Variants in SAMHD1 observed in about 807,000 individuals in gnomAD.
SAMHD1 encodes the protein SAM and HD domain containing deoxynucleoside triphosphate triphosphohydrolase 1.
In SAMHD1, 54 loss-of-function variants were observed where a neutral mutation model predicts 79.6. The ratio of observed to expected loss-of-function variants is 0.68; its 90% confidence interval spans 0.55 to 0.85. The LOEUF (loss-of-function observed/expected upper bound fraction) is 0.85. Among genes scored for constraint, SAMHD1 ranks in the 40% least tolerant of loss-of-function variants. The probability of loss-of-function intolerance (pLI) is 0.00; values close to 1 mark genes in which losing one functional copy is unlikely to be tolerated. For synonymous variants in SAMHD1, 260 were observed against 264.1 expected, an observed-to-expected ratio of 0.98 and a Z score of 0.15; for missense variants, 663 against 782.7, an observed-to-expected ratio of 0.85 and a Z score of 1.82.
rs992481715 is a variant in SAMHD1 at position 36,915,487 on chromosome 20, A to C, written c.1062+1235T>G. ...TACAGTGGCTTACACCTATAATGCC[A>C]GCACTTTGGGAGGCTGAAGCGGGTG... is the stretch of plus-strand genomic sequence containing the variant. On this transcript the variant is annotated intron_variant, in intron 9 of 15. Transcript: ENST00000646673. Among the ~76,000 whole-genome samples, 4 of 152,340 alleles carry C rather than the reference A, an allele frequency of 2.6e-5. No individual in the cohort carries two copies. In the East Asian group the frequency reaches 7.7e-4, roughly 29 times the overall value.
At chr20:36,898,938 A>AAG (rs1456049165) in intron 13 of SAMHD1, among the ~76,000 whole-genome samples, 2 of 151,530 alleles carry the variant, frequency 1.3e-5, no homozygotes, top group East Asian at 1.9e-4. Context: ...AAAAGAAAGA[A>AAG]AGAAATGGAA....
chr20:36,934,449 G>C (rs568801404), intron 4 of SAMHD1, among the ~76,000 whole-genome samples: 2 of 142,600 alleles, frequency 1.4e-5, no homozygotes, highest in South Asian at 2.2e-4. Context: ...CTTGAACCTG[G>C]GAGGTCGAAG....
intron 6 of SAMHD1, among the ~76,000 whole-genome samples, chr20:36,922,307 G>C (rs906280219): frequency 3.9e-5 from 6 of 152,102 alleles, no homozygotes; most frequent in Non-Finnish European, 1.5e-5. Flanking sequence ...TACTGATTTT[G>C]ATAATTATAC....
intron 5 of SAMHD1, among the ~76,000 whole-genome samples, chr20:36,929,124 T>TG (rs1363189605): frequency 1.3e-4 from 20 of 151,424 alleles, no homozygotes; most frequent in African/African-American, 3.6e-4. Context: ...GCCTTGGCCC[T>TG]GCTTTGCAAG....
intron 3 of SAMHD1, among the ~76,000 whole-genome samples, chr20:36,935,994 G>T (rs1356293375): frequency 3.3e-5 from 5 of 152,052 alleles, no homozygotes; most frequent in African/African-American, 1.2e-4. Context: ...AAATCATGCA[G>T]GTCCGAGTGC....
intron 5 of SAMHD1, among the ~76,000 whole-genome samples, chr20:36,929,718 TAAAA>T (rs2063556843): frequency 6.6e-6 from 1 of 152,262 alleles, no homozygotes; most frequent in African/African-American, 2.4e-5. Context: ...ATCTCAAAAA[TAAAA>T]AAATAAATGG....
chr20:36,898,305 G>A (rs1990235666), intron 14 of SAMHD1, 135 bp downstream of exon 14: 1 of 743,144 alleles, frequency 1.3e-6, no homozygotes, highest in Non-Finnish European at 2.4e-6. Context: ...TGGGATTACA[G>A]GTATGAGCTA....
intron 6 of SAMHD1, among the ~76,000 whole-genome samples, chr20:36,923,730 G>A (rs559559474): frequency 6.6e-6 from 1 of 152,130 alleles, no homozygotes; most frequent in South Asian, 2.1e-4. Context: ...TGGAAGGATC[G>A]CTTGAGTCTG....
chr20:36,929,718 T>G (rs1488529228), intron 5 of SAMHD1, among the ~76,000 whole-genome samples: 2 of 152,144 alleles, frequency 1.3e-5, no homozygotes, highest in Admixed American at 1.3e-4. Context: ...ATCTCAAAAA[T>G]AAAAAAATAA....
chr20:36,912,202 G>T, intron 10 of SAMHD1: 1 of 471,786 alleles, frequency 2.1e-6, no homozygotes, highest in East Asian at 4.1e-5. Flanking sequence ...GCCGCTTCAC[G>T]TCTGGCCTAA....
Position 36,897,815 on chromosome 20 carries a change from C to A in SAMHD1, c.1746+7G>T, listed in dbSNP as rs759575341. ...TGTGCAAAGTTTGTGAGTAACAGGC[C>A]ACCTACCTGCGGCTTGGTGAAATTT... On this transcript the variant is annotated splice_region_variant and intron_variant, in intron 15 of 15. Transcript: ENST00000646673. 2 of 1,614,092 alleles carry A rather than the reference C, an allele frequency of 1.2e-6. No individual in the cohort carries two copies. Among genetic ancestry groups the A allele is most frequent in the South Asian group, 2.2e-5 (2 of 91,080 alleles).
At chr20:36,943,914 C>T (rs6072798) in intron 2 of SAMHD1, among the ~76,000 whole-genome samples, 49,428 of 151,016 alleles carry the variant, frequency 0.33, 8,604 homozygotes, top group South Asian at 0.56. Flanking sequence ...CCTGTCTCTA[C>T]TAAAAATACA....
intron 11 of SAMHD1, among the ~76,000 whole-genome samples, chr20:36,906,547 A>G (rs966631584): frequency 6.6e-6 from 1 of 152,214 alleles, no homozygotes; most frequent in African/African-American, 2.4e-5. Context: ...AGATGAAGCA[A>G]AACTGCCATG....
At chr20:36,901,228 G>A (rs753430300) in intron 13 of SAMHD1, among the ~76,000 whole-genome samples, 2 of 151,868 alleles carry the variant, frequency 1.3e-5, no homozygotes, top group African/African-American at 2.4e-5. Flanking sequence ...GCAGTGGTGC[G>A]ATCTCAGCTC....
intron 4 of SAMHD1, among the ~76,000 whole-genome samples, chr20:36,932,741 A>G (rs2146134558): frequency 6.6e-6 from 1 of 151,414 alleles, no homozygotes; most frequent in Non-Finnish European, 1.5e-5. Flanking sequence ...AGATGATAAG[A>G]GTTTTGGCAA....
chr20:36,920,882 C>T (rs1049932037), intron 6 of SAMHD1, among the ~76,000 whole-genome samples: 1 of 151,152 alleles, frequency 6.6e-6, no homozygotes, highest in South Asian at 2.1e-4. Flanking sequence ...CCCAGGAGTT[C>T]GAGAGCAGCC....
In SAMHD1 at chr20:36,939,487, C is replaced by T. The variant is rs182793813; in HGVS notation, c.348+1552G>A. On this transcript the variant is annotated intron_variant, in intron 3 of 15. Coordinates refer to ENST00000646673, the MANE Select transcript of SAMHD1 (RefSeq NM_015474.4). ...GGTGTGCACCTGTAGTCCCAGCTAC[C>T]TGGGAGGCTGAGACAAAAGAATCAC... Among the ~76,000 whole-genome samples, 284 of 151,540 alleles carry T rather than the reference C, an allele frequency of 1.9e-3. 1 individual carries two copies. The highest frequency in any genetic ancestry group is 6.4e-3 in the African/African-American group (264 of 41,320).
chr20:36,911,185 G>A (rs1379496853), intron 11 of SAMHD1, 33 bp downstream of exon 11: 2 of 1,289,080 alleles, frequency 1.6e-6, no homozygotes, highest in African/African-American at 2.9e-5. Flanking sequence ...GTTTATCTGA[G>A]ATGGACCATC....
At position 36,917,698 on chromosome 20, in the gene SAMHD1, G is replaced by C. The variant is rs6124441; in HGVS notation, c.853-649C>G. Among the ~76,000 whole-genome samples the C allele has an allele frequency of 4.9e-3, 740 of 152,134 alleles. 46 individuals carry two copies. In the East Asian group the frequency reaches 0.12, roughly 25 times the overall value. The stretch of plus-strand genomic sequence containing the variant: ...TAAAATCTAATAATAAACTAACAAT[G>C]CTTGAATTCATGCATTAAAACAGTA... On this transcript the variant is annotated intron_variant, in intron 7 of 15. Transcript: ENST00000646673.
Sources: gnomAD v4.1 joint callset for allele counts (sites outside exome capture counted in the v4.1 genomes callset) on GRCh38, gnomAD v4.1.1 for gene constraint, MANE v1.5 for transcripts, NCBI Gene and HGNC (gene_info 2026-07-23, HGNC 2026-07-21) for gene names.